TECTB: variants seen among roughly 807,000 people sequenced by gnomAD.
TECTB encodes tectorin beta.
Under a neutral mutation model 43.3 loss-of-function variants are expected in TECTB, and 45 were observed. The ratio of observed to expected loss-of-function variants is 1.04; its 90% confidence interval spans 0.82 to 1.33. TECTB has a LOEUF of 1.33. Ranked by LOEUF, TECTB falls within the 40% of genes most tolerant of loss-of-function variation. The pLI is 0.00. For missense variants in TECTB, 399 were observed against 404.7 expected (o/e 0.99, Z 0.12); for synonymous variants, 169 against 156.7 (o/e 1.08, Z -0.59).
At chr10:112,292,815 C>A (rs977094891) in intron 5 of TECTB, among the ~76,000 whole-genome samples, 1 of 152,156 alleles carries the variant, frequency 6.6e-6, no homozygotes, top group Non-Finnish European at 1.5e-5. Flanking sequence ...ACTCTCCACC[C>A]TCCTGCCTCA....
intron 7 of TECTB, among the ~76,000 whole-genome samples, chr10:112,295,403 A>G (rs1848537012): frequency 1.3e-5 from 2 of 152,200 alleles, no homozygotes; most frequent in Admixed American, 6.5e-5. Flanking sequence ...TATAATAATC[A>G]TTATTTTATA....
At position 112,300,279 on chromosome 10, in the gene TECTB, A is replaced by AAAGAAAGGAAAGAAAGAAAGAAAG. The variant is rs1361291056; in HGVS notation, c.907+717_907+718insGAAAGGAAAGAAAGAAAGAAAGAA. ...GAAAGAAAGAAAGAAAGAAAGAAAGAAAAGAAAGAAAGAAAGAAAGAAAGA... is the reference window on the plus strand; with the variant it reads ...GAAAGAAAGAAAGAAAGAAAGAAAGAAAGAAAGGAAAGAAAGAAAGAAAGAAAGAAAGAAAGAAAGAAAGAAAGA... On this transcript the variant is annotated intron_variant, in intron 9 of 10. Transcript: ENST00000646139. Among the ~76,000 whole-genome samples the AAAGAAAGGAAAGAAAGAAAGAAAG allele has an allele frequency of 6.6e-4, 32 of 48,390 alleles. 1 individual carries two copies. Among genetic ancestry groups the AAAGAAAGGAAAGAAAGAAAGAAAG allele is most frequent in the African/African-American group, 2.0e-3 (22 of 11,238 alleles). 31.7% of individuals were successfully genotyped at this position (48,390 alleles called of 152,430 possible).
In TECTB at chr10:112,299,497, C is replaced by T. The variant is rs770075618; in HGVS notation, c.840C>T (p.Cys280=). ...DSEKLSCPVT[C]DKRKRLLRDQ... Reference sequence around the variant, plus strand: ...CTGCCTCTCTGGGTCTTCAGACCTGCGATAAACGGAAGCGCCTCCTGCGAG... The same window carrying T: ...CTGCCTCTCTGGGTCTTCAGACCTGTGATAAACGGAAGCGCCTCCTGCGAG... The change falls in exon 9 of 11, where the codon TGC becomes TGT. Residue 280 remains cysteine (C), a synonymous_variant. Coordinates refer to ENST00000646139, the MANE Select transcript of TECTB (RefSeq NM_058222.3). 21 of 1,614,104 alleles carry T rather than the reference C, an allele frequency of 1.3e-5. No homozygotes were observed. In the South Asian group the frequency reaches 1.8e-4, roughly 14 times the overall value.
chr10:112,300,247 AAAG>A (rs1564710473), intron 9 of TECTB, among the ~76,000 whole-genome samples: 25 of 30,234 alleles, frequency 8.3e-4, no homozygotes, highest in Non-Finnish European at 1.3e-3. Context: ...AGAAAGAAAG[AAAG>A]AAAGAAAGAA....
intron 5 of TECTB, among the ~76,000 whole-genome samples, chr10:112,290,976 C>A (rs1395371380): frequency 1.3e-5 from 2 of 152,030 alleles, no homozygotes; most frequent in Non-Finnish European, 2.9e-5. Flanking sequence ...GGGGTAAAGT[C>A]CACTTTATTT....
chr10:112,293,706 T>C (rs1185093068), intron 5 of TECTB, 32 bp from the exon 6 acceptor site: 1 of 1,595,930 alleles, frequency 6.3e-7, no homozygotes, highest in Non-Finnish European at 8.6e-7. Context: ...ATCTGAGAGT[T>C]CATAATGCCC....
At chr10:112,302,349 C>A in intron 10 of TECTB, 1 of 510,086 alleles carries the variant, frequency 2.0e-6, no homozygotes. Context: ...GAAGGTAAAT[C>A]GGATGAAGCA....
chr10:112,300,258 GAAAGAAAGAAAGAAAGAAAGAAAAGAA>G (rs1848591443), intron 9 of TECTB, among the ~76,000 whole-genome samples: 1 of 42,568 alleles, frequency 2.3e-5, no homozygotes, highest in African/African-American at 1.4e-4. Context: ...AAGAAAGAAA[GAAAGAAAGAAAGAAAGAAAGAAAAGAA>G]AGAAAGAAAG....
intron 5 of TECTB, among the ~76,000 whole-genome samples, chr10:112,293,077 A>C (rs1241775929): frequency 6.6e-6 from 1 of 152,222 alleles, no homozygotes; most frequent in South Asian, 2.1e-4. Context: ...GCTTTTCTAG[A>C]TAATGTCCTA....
chr10:112,295,883 T>C (rs1848542373), intron 7 of TECTB, among the ~76,000 whole-genome samples: 1 of 152,168 alleles, frequency 6.6e-6, no homozygotes, highest in Non-Finnish European at 1.5e-5. Context: ...TGCACAATTG[T>C]CCTCAAGCTC....
chr10:112,299,923 G>C (rs796175800), intron 9 of TECTB, among the ~76,000 whole-genome samples: 4 of 152,192 alleles, frequency 2.6e-5, no homozygotes, highest in African/African-American at 9.6e-5. Context: ...AGCACTTTGG[G>C]AGGCCGAGGT....
In TECTB at chr10:112,283,636, T is replaced by A; in HGVS notation, c.-87-12T>A. On this transcript the variant is annotated splice_polypyrimidine_tract_variant and intron_variant, in intron 1 of 10. Coordinates refer to ENST00000646139, the MANE Select transcript of TECTB (RefSeq NM_058222.3). ...CCTTGATTTTAACTTTTCATTCATG[T>A]TTCTGACTTAGAATGATCGAGGCTC... 9.2e-7 allele frequency: 1 copy of A among 1,087,428 alleles called. No homozygotes were observed. The highest frequency in any genetic ancestry group is 1.5e-5 in the South Asian group (1 of 66,812). The allele number at this position is 1,087,428 out of a possible 1,614,324, so 67.4% of individuals were successfully genotyped here.
Position 112,299,566 on chromosome 10 carries a change from T to C in TECTB, c.907+2T>C. The C allele has an allele frequency of 6.4e-7, 1 of 1,561,852 alleles. No individual in the cohort carries two copies. The highest frequency in any genetic ancestry group is 1.7e-5 in the African/African-American group (1 of 57,256). Reference sequence around the variant, plus strand: ...TGGTCGTGGAGCTCTCCCTGCGGAGTAAGCGTCTCTGTTTTCCTCTGTTTT... The same window carrying C: ...TGGTCGTGGAGCTCTCCCTGCGGAGCAAGCGTCTCTGTTTTCCTCTGTTTT... On this transcript the variant is annotated splice_donor_variant, in intron 9 of 10. Coordinates refer to ENST00000646139, the MANE Select transcript of TECTB (RefSeq NM_058222.3). LOFTEE classifies it high-confidence loss of function.
chr10:112,294,592 G>A (rs183815253), intron 7 of TECTB, among the ~76,000 whole-genome samples: 4 of 152,182 alleles, frequency 2.6e-5, no homozygotes, highest in Non-Finnish European at 4.4e-5. Flanking sequence ...GTAGATAACC[G>A]GGAGCTTTTA....
rs1848632307 is a variant in TECTB at position 112,303,895 on chromosome 10, T to G, written c.*583T>G. 1 of 153,344 alleles carries G rather than the reference T, an allele frequency of 6.5e-6. No individual in the cohort carries two copies. Among genetic ancestry groups the G allele is most frequent in the Non-Finnish European group, 1.5e-5 (1 of 68,760 alleles). The allele number at this position is 153,344 out of a possible 1,614,324, so 9.5% of individuals were successfully genotyped here. A position where few individuals can be genotyped will look rare whatever the true frequency, so the allele number is the denominator to read the frequency against. On this transcript the variant is annotated 3_prime_UTR_variant, in exon 11 of 11. Transcript: ENST00000646139. ...AACCTAATGATATAAAGGAAATAGA[T>G]TCTTGAAAGCCCCTAGTACTGACCT... is the stretch of plus-strand genomic sequence containing the variant.
intron 9 of TECTB, among the ~76,000 whole-genome samples, chr10:112,300,230 TAAAGA>T (rs1176052405): frequency 1.8e-5 from 1 of 55,024 alleles, no homozygotes; most frequent in African/African-American, 7.3e-5. Context: ...CAGAAAGAAA[TAAAGA>T]AAGAAAGAAA....
At chr10:112,301,407 CAA>C (rs748878707) in intron 9 of TECTB, among the ~76,000 whole-genome samples, 3 of 132,886 alleles carry the variant, frequency 2.3e-5, no homozygotes, top group Admixed American at 7.5e-5. Context: ...AACTCTGTCT[CAA>C]AAAAAAAAAA....
chr10:112,293,905 C>T, intron 6 of TECTB, 64 bp downstream of exon 6: 1 of 1,604,884 alleles, frequency 6.2e-7, no homozygotes, highest in South Asian at 1.1e-5. Flanking sequence ...AGCTGACATA[C>T]TTTTTAATCA....
In TECTB at chr10:112,295,173, A is replaced by T. The variant is rs150844888; in HGVS notation, c.671+1112A>T. Among the ~76,000 whole-genome samples, 307 of 152,344 alleles carry T rather than the reference A, an allele frequency of 2.0e-3. 1 individual carries two copies. The highest frequency in any genetic ancestry group is 7.0e-3 in the African/African-American group (290 of 41,572). ...ATTCTCTAAACAAAGCATGTAACAG[A>T]CCAATGTGCCTGTGTTATTCTCAGA... On this transcript the variant is annotated intron_variant, in intron 7 of 10. Coordinates refer to ENST00000646139, the MANE Select transcript of TECTB (RefSeq NM_058222.3).
Sources: allele counts gnomAD v4.1 joint callset (sites outside exome capture counted in the v4.1 genomes callset), GRCh38; gene constraint gnomAD v4.1.1; transcripts MANE v1.5; gene names NCBI Gene and HGNC (gene_info 2026-07-23, HGNC 2026-07-21).